KCNH1: variants seen among roughly 807,000 people sequenced by gnomAD.
KCNH1 encodes potassium voltage-gated channel subfamily H member 1.
Under a neutral mutation model 69.2 loss-of-function variants are expected in KCNH1, and 27 were observed. That is an observed-to-expected ratio of 0.39 (90% CI 0.29 to 0.54). The LOEUF (loss-of-function observed/expected upper bound fraction) is 0.54, where lower values mean the gene tolerates loss of function less well. Ranked by LOEUF, KCNH1 falls within the 20% of genes least tolerant of loss-of-function variation. The pLI, the probability that KCNH1 is intolerant of heterozygous loss-of-function variation, is 0.68. For synonymous variants in KCNH1, 456 were observed against 487.7 expected (o/e 0.93, Z 0.86); for missense variants, 798 against 1,261.6 (o/e 0.63, Z 5.57).
In KCNH1 at chr1:210,754,679, CA is replaced by C. The variant is rs1045050774; in HGVS notation, c.2112+20668del. ...CTCCACACTTCACCTTCTGCCCAAGCAAAAGCTTCCTGAGGCCTCCCCAGAA... is the reference window on the plus strand; with the variant it reads ...CTCCACACTTCACCTTCTGCCCAAGCAAAGCTTCCTGAGGCCTCCCCAGAA... On this transcript the variant is annotated intron_variant, in intron 10 of 10. Coordinates refer to ENST00000271751, the MANE Select transcript of KCNH1 (RefSeq NM_172362.3). 2.8e-4 allele frequency among the ~76,000 whole-genome samples: 43 copies of C among 152,218 alleles called. 2 individuals are homozygous for C. Among genetic ancestry groups the C allele is most frequent in the Middle Eastern group, 3.4e-3 (1 of 294 alleles).
chr1:211,076,661 T>C (rs1050642501), intron 5 of KCNH1, among the ~76,000 whole-genome samples: 6 of 152,078 alleles, frequency 3.9e-5, no homozygotes, highest in Admixed American at 2.0e-4. Context: ...AGAAACCAGA[T>C]CAGGAAAGCT....
intron 9 of KCNH1, among the ~76,000 whole-genome samples, chr1:210,795,006 G>C (rs1218474654): frequency 6.6e-6 from 1 of 152,176 alleles, no homozygotes; most frequent in African/African-American, 2.4e-5. Flanking sequence ...TCTGTGATAA[G>C]GGGGCAAGGA....
intron 5 of KCNH1, among the ~76,000 whole-genome samples, chr1:211,023,115 AAAATAAATAAATAAATAAAT>A (rs562804540): frequency 1.7e-3 from 163 of 98,572 alleles, no homozygotes; most frequent in African/African-American, 6.3e-3. Flanking sequence ...TGTCTCAGAA[AAAATAAATAAATAAATAAAT>A]AAATAAATAA....
intron 7 of KCNH1, among the ~76,000 whole-genome samples, chr1:210,846,934 C>T (rs1047328473): frequency 6.6e-6 from 1 of 152,212 alleles, no homozygotes; most frequent in Admixed American, 6.5e-5. Flanking sequence ...TGAACAGACA[C>T]TTCTCAAAAG....
intron 8 of KCNH1, among the ~76,000 whole-genome samples, chr1:210,800,947 C>T (rs1684415361): frequency 6.6e-6 from 1 of 152,190 alleles, no homozygotes; most frequent in Admixed American, 6.5e-5. Context: ...GCTCCTCTCC[C>T]CATGTCTTCA....
intron 10 of KCNH1, among the ~76,000 whole-genome samples, chr1:210,693,192 T>C (rs1248765002): frequency 6.6e-6 from 1 of 152,238 alleles, no homozygotes; most frequent in Non-Finnish European, 1.5e-5. Flanking sequence ...ACAAAGTTCC[T>C]ACTTCCTCTT....
chr1:210,969,927 C>T (rs1182421497), intron 6 of KCNH1, among the ~76,000 whole-genome samples: 1 of 151,988 alleles, frequency 6.6e-6, no homozygotes, highest in African/African-American at 2.4e-5. Context: ...GACAGGGTTG[C>T]ACTCTGTAAT....
chr1:210,986,053 C>T (rs1209492835), intron 6 of KCNH1, among the ~76,000 whole-genome samples: 1 of 152,098 alleles, frequency 6.6e-6, no homozygotes, highest in Non-Finnish European at 1.5e-5. Context: ...TTCTTTGTCT[C>T]TTTTGATGTT....
At chr1:210,931,644 C>T (rs778252419) in intron 6 of KCNH1, among the ~76,000 whole-genome samples, 8 of 151,790 alleles carry the variant, frequency 5.3e-5, no homozygotes, top group African/African-American at 1.9e-4. Context: ...AACAACTGTT[C>T]CCCAGAAACC....
intron 6 of KCNH1, among the ~76,000 whole-genome samples, chr1:210,949,196 C>T (rs1018925992): frequency 3.9e-5 from 6 of 152,098 alleles, no homozygotes; most frequent in Non-Finnish European, 4.4e-5. Flanking sequence ...AATTCAAAAC[C>T]GACCAACCTC....
At chr1:210,910,800 C>A (rs1687213274) in intron 7 of KCNH1, among the ~76,000 whole-genome samples, 1 of 152,196 alleles carries the variant, frequency 6.6e-6, no homozygotes. Context: ...TATGTTCAAT[C>A]ATTCATCATT....
At chr1:211,030,816 T>C (rs1048302835) in intron 5 of KCNH1, among the ~76,000 whole-genome samples, 1 of 152,032 alleles carries the variant, frequency 6.6e-6, no homozygotes, top group Admixed American at 6.6e-5. Flanking sequence ...AATCTATGAC[T>C]GAAAGGAATA....
At chr1:210,917,271 G>GAAAGAA in intron 7 of KCNH1, among the ~76,000 whole-genome samples, 1 of 145,992 alleles carries the variant, frequency 6.8e-6, no homozygotes, top group African/African-American at 2.6e-5. Context: ...AAGAAAGAAA[G>GAAAGAA]AAAGAAAGAA....
chr1:211,072,958 C>G (rs371493128), intron 5 of KCNH1, among the ~76,000 whole-genome samples: 1 of 151,890 alleles, frequency 6.6e-6, no homozygotes, highest in East Asian at 1.9e-4. Context: ...AAAACAAGAC[C>G]CAACTATATG....
intron 10 of KCNH1, among the ~76,000 whole-genome samples, chr1:210,746,777 C>A (rs1316884204): frequency 2.6e-5 from 4 of 152,128 alleles, no homozygotes; most frequent in Admixed American, 2.0e-4. Flanking sequence ...GAACTCCTGA[C>A]CTCAAGTGAT....
At chr1:210,730,734 A>G (rs930019402) in intron 10 of KCNH1, among the ~76,000 whole-genome samples, 1 of 152,320 alleles carries the variant, frequency 6.6e-6, no homozygotes, top group East Asian at 1.9e-4. Context: ...GGCCCTACGG[A>G]AAAGCTCTGC....
intron 6 of KCNH1, among the ~76,000 whole-genome samples, chr1:210,991,357 A>C (rs1688932388): frequency 6.6e-6 from 1 of 152,220 alleles, no homozygotes; most frequent in Admixed American, 6.5e-5. Context: ...AGCCAGACAC[A>C]GAAAGACAAA....
Position 210,925,465 on chromosome 1 carries a change from G to A in KCNH1, c.1033-5396C>T, listed in dbSNP as rs75906976. On this transcript the variant is annotated intron_variant, in intron 6 of 10. Transcript: ENST00000271751. ...TTGCTTTCTCAGTAGGGAGGCTCAC[G>A]GCCTCAGGCAGGTTCTTAGCCCTGG... Among the ~76,000 whole-genome samples, 62 of 152,302 alleles carry A rather than the reference G, an allele frequency of 4.1e-4. No individual in the cohort carries two copies. The East Asian group carries it at 8.7e-3, about 21-fold the overall frequency.
At chr1:210,862,976 A>G (rs1025430418) in intron 7 of KCNH1, among the ~76,000 whole-genome samples, 1 of 152,184 alleles carries the variant, frequency 6.6e-6, no homozygotes, top group Non-Finnish European at 1.5e-5. Flanking sequence ...TGATTTGCCC[A>G]TTCTAGAAGG....
Sources: allele counts gnomAD v4.1 joint callset (sites outside exome capture counted in the v4.1 genomes callset), GRCh38; gene constraint gnomAD v4.1.1; transcripts MANE v1.5; gene names NCBI Gene and HGNC (gene_info 2026-07-23, HGNC 2026-07-21).